PTPN3: variants seen among roughly 807,000 people sequenced by gnomAD.
PTPN3 encodes the protein protein tyrosine phosphatase non-receptor type 3.
In PTPN3, 96 loss-of-function variants were observed where a neutral mutation model predicts 132.7. The ratio of observed to expected loss-of-function variants is 0.72; its 90% CI spans 0.61 to 0.86. The LOEUF is 0.86. Among genes scored for constraint, PTPN3 ranks in the 40% least tolerant of loss-of-function variants. The pLI, the probability that PTPN3 is intolerant of heterozygous loss-of-function variation, is 0.00. For synonymous variants in PTPN3, 398 were observed against 429.0 expected, an observed-to-expected ratio of 0.93 and a Z score of 0.89; for missense variants, 1,125 against 1,159.6, an observed-to-expected ratio of 0.97 and a Z score of 0.43.
intron 19 of PTPN3, among the ~76,000 whole-genome samples, chr9:109,403,576 A>G (rs1841321355): frequency 1.3e-5 from 2 of 152,290 alleles, no homozygotes; most frequent in African/African-American, 4.8e-5. Flanking sequence ...GTGGTGGCTC[A>G]CACCTGTAAT....
chr9:109,445,671 G>C (rs778640621), intron 6 of PTPN3, among the ~76,000 whole-genome samples: 14 of 152,266 alleles, frequency 9.2e-5, no homozygotes, highest in South Asian at 4.2e-4. Flanking sequence ...GTAAAGACCT[G>C]AGACTCATCA....
chr9:109,497,831 C>G (rs1304985634), intron 1 of PTPN3, among the ~76,000 whole-genome samples: 1 of 151,840 alleles, frequency 6.6e-6, no homozygotes, highest in Non-Finnish European at 1.5e-5. Flanking sequence ...TGTGCCCCCT[C>G]GGAGCCCCGA....
intron 14 of PTPN3, among the ~76,000 whole-genome samples, chr9:109,419,832 T>C (rs1030740667): frequency 2.6e-5 from 4 of 152,100 alleles, no homozygotes; most frequent in African/African-American, 9.7e-5. Context: ...TTTCTGTCCT[T>C]GAGCTATGAG....
At chr9:109,408,618 T>C (rs1007200072) in intron 16 of PTPN3, among the ~76,000 whole-genome samples, 13 of 151,588 alleles carry the variant, frequency 8.6e-5, no homozygotes, top group Non-Finnish European at 1.6e-4. Flanking sequence ...TTCAGAAGCC[T>C]CCCTCTGCCA....
At chr9:109,495,920 G>A (rs1209873508) in intron 1 of PTPN3, among the ~76,000 whole-genome samples, 2 of 152,312 alleles carry the variant, frequency 1.3e-5, no homozygotes, top group East Asian at 3.9e-4. Flanking sequence ...GGCCTGACCA[G>A]GGCCTGCCCT....
chr9:109,438,632 T>C (rs1441727259), intron 7 of PTPN3, among the ~76,000 whole-genome samples: 1 of 152,318 alleles, frequency 6.6e-6, no homozygotes, highest in Middle Eastern at 3.4e-3. Context: ...CCACACACGG[T>C]GCAGGCTTTC....
In PTPN3 at chr9:109,378,535, ACACT is replaced by A. The variant is rs1370236705; in HGVS notation, c.*1017_*1020del. The A allele has an allele frequency of 6.6e-6, 1 of 152,646 alleles. No individual in the cohort carries two copies. Among genetic ancestry groups the A allele is most frequent in the African/African-American group, 2.4e-5 (1 of 41,454 alleles). The allele number at this position is 152,646 out of a possible 1,614,324, so 9.5% of individuals were successfully genotyped here. The stretch of plus-strand genomic sequence containing the variant: ...TTTGAATCGTTAGGAATCCTGAGAA[ACACT>A]CACCCCTGGGCACACACATGTACAC... On this transcript the variant is annotated 3_prime_UTR_variant, in exon 26 of 26. Coordinates refer to ENST00000374541, the MANE Select transcript of PTPN3 (RefSeq NM_002829.4).
At chr9:109,429,169 A>G in intron 10 of PTPN3, 1 of 500,132 alleles carries the variant, frequency 2.0e-6, no homozygotes, top group Non-Finnish European at 2.6e-6. Flanking sequence ...CTAGGCTGCT[A>G]CTAAGAGCTT....
chr9:109,500,270 G>A (rs1847846861), upstream of PTPN3, among the ~76,000 whole-genome samples: 1 of 152,194 alleles, frequency 6.6e-6, no homozygotes, highest in Non-Finnish European at 1.5e-5. Context: ...GAGGTCAACG[G>A]AGGATGTGTG....
chr9:109,493,407 ACT>A (rs35283431), intron 1 of PTPN3, among the ~76,000 whole-genome samples: 43,208 of 151,956 alleles, frequency 0.28, 6,528 homozygotes, highest in Non-Finnish European at 0.32. Context: ...GCTAAAATGC[ACT>A]GTTTGTTCCC....
At chr9:109,442,533 A>G (rs1844561269) in intron 7 of PTPN3, among the ~76,000 whole-genome samples, 1 of 152,178 alleles carries the variant, frequency 6.6e-6, no homozygotes, top group African/African-American at 2.4e-5. Context: ...TTTAGCCCCC[A>G]TTCTATCAGT....
chr9:109,534,238 C>T, the PTPN3 span: 3 of 1,471,382 alleles, frequency 2.0e-6, no homozygotes, highest in Non-Finnish European at 9.3e-7. Flanking sequence ...TGTGCCGCTG[C>T]CCGTAGTGCC....
chr9:109,507,079 G>A, the PTPN3 span, among the ~76,000 whole-genome samples: 1 of 152,110 alleles, frequency 6.6e-6, no homozygotes, highest in Admixed American at 6.6e-5. Context: ...AAGGCTCTAC[G>A]ACCAGGGCAC....
chr9:109,389,117 G>T, intron 22 of PTPN3, 116 bp downstream of exon 22: 12 of 1,352,262 alleles, frequency 8.9e-6, no homozygotes, highest in Non-Finnish European at 1.2e-5. Context: ...GGAGACTTAG[G>T]GTCACATACG....
At chr9:109,386,698 GAC>G (rs1299071447) in intron 22 of PTPN3, among the ~76,000 whole-genome samples, 1 of 152,132 alleles carries the variant, frequency 6.6e-6, no homozygotes, top group African/African-American at 2.4e-5. Context: ...CCCAGGGAAC[GAC>G]AGACAGTACA....
chr9:109,396,220 G>A (rs1380855326), intron 19 of PTPN3, among the ~76,000 whole-genome samples: 1 of 152,172 alleles, frequency 6.6e-6, no homozygotes, highest in Non-Finnish European at 1.5e-5. Context: ...TGGCAGTCTG[G>A]TTATGAAACA....
At chr9:109,409,788 G>C (rs1441558665) in intron 16 of PTPN3, among the ~76,000 whole-genome samples, 1 of 151,950 alleles carries the variant, frequency 6.6e-6, no homozygotes, top group African/African-American at 2.4e-5. Context: ...CTCTAGGTTT[G>C]GGCGATAAAG....
upstream of PTPN3, among the ~76,000 whole-genome samples, chr9:109,500,481 T>A (rs911301524): frequency 2.0e-5 from 3 of 152,076 alleles, no homozygotes; most frequent in African/African-American, 7.2e-5. Context: ...GAAAGAATAC[T>A]CCCCAAATTG....
rs113741821 is a variant in PTPN3 at position 109,406,409 on chromosome 9, G to A, written c.1792+53C>T. On this transcript the variant is annotated intron_variant, in intron 18 of 25. Coordinates refer to ENST00000374541, the MANE Select transcript of PTPN3 (RefSeq NM_002829.4). ...GAGCAGATAAAGGGCTGGAGCAGGC[G>A]CAGCTTGGCTAGGACAGCTTCCCTA... 1.1e-3 allele frequency: 1,746 copies of A among 1,574,242 alleles called. 16 individuals are homozygous for A. In the African/African-American group the frequency reaches 0.019, roughly 17 times the overall value.
Sources: allele counts gnomAD v4.1 joint callset (sites outside exome capture counted in the v4.1 genomes callset), GRCh38; gene constraint gnomAD v4.1.1; transcripts MANE v1.5; gene names NCBI Gene and HGNC (gene_info 2026-07-23, HGNC 2026-07-21).